The following FBXL7 variants were observed in gnomAD, a reference collection of about 807,000 sequenced individuals.
The protein encoded by FBXL7 is F-box and leucine rich repeat protein 7.
A neutral mutation model predicts 38.3 loss-of-function variants in FBXL7; 12 were observed. The ratio of observed to expected loss-of-function variants is 0.31; its 90% CI spans 0.20 to 0.51. The LOEUF is 0.51. Among genes scored for constraint, FBXL7 ranks in the 20% least tolerant of loss-of-function variants. The probability of loss-of-function intolerance (pLI) is 0.98; values close to 1 mark genes in which losing one functional copy is unlikely to be tolerated. For missense variants in FBXL7, 567 were observed against 676.4 expected, an observed-to-expected ratio of 0.84 and a Z score of 1.79; for synonymous variants, 297 against 300.9, an observed-to-expected ratio of 0.99 and a Z score of 0.13.
intron 1 of FBXL7, among the ~76,000 whole-genome samples, chr5:15,603,829 T>C (rs955288497): frequency 6.6e-6 from 1 of 152,204 alleles, no homozygotes; most frequent in African/African-American, 2.4e-5. Context: ...TTCTGCTACC[T>C]TCTCTGGGTT....
chr5:15,584,055 G>T (rs936492741), intron 1 of FBXL7, among the ~76,000 whole-genome samples: 2 of 152,308 alleles, frequency 1.3e-5, no homozygotes, highest in East Asian at 3.9e-4. Context: ...TGAAGCAGTG[G>T]CTCGAGCTGT....
At position 15,844,468 on chromosome 5, in the gene FBXL7, GCTT is replaced by G. The variant is rs368221396; in HGVS notation, c.128-83418_128-83416del. On this transcript the variant is annotated intron_variant, in intron 2 of 3. Transcript: ENST00000504595. The stretch of plus-strand genomic sequence containing the variant: ...TTGGCACTGCTGGACAGTTCCCCAG[GCTT>G]CTTTCCAATTCTTCCTGTGGAGCAG... 1.9e-3 allele frequency among the ~76,000 whole-genome samples: 283 copies of G among 152,342 alleles called. 2 individuals are homozygous for G. Among genetic ancestry groups the G allele is most frequent in the African/African-American group, 6.2e-3 (257 of 41,574 alleles).
At chr5:15,765,978 C>T (rs1736577171) in intron 2 of FBXL7, among the ~76,000 whole-genome samples, 1 of 152,162 alleles carries the variant, frequency 6.6e-6, no homozygotes, top group African/African-American at 2.4e-5. Flanking sequence ...TTCCCATAGT[C>T]TGTGGGACCT....
At chr5:15,568,174 T>C (rs1352526093) in intron 1 of FBXL7, among the ~76,000 whole-genome samples, 1 of 152,038 alleles carries the variant, frequency 6.6e-6, no homozygotes, top group Non-Finnish European at 1.5e-5. Context: ...ATCGCCACAC[T>C]GACTTCCACA....
chr5:15,506,003 C>T (rs1003890188), intron 1 of FBXL7, among the ~76,000 whole-genome samples: 1 of 152,128 alleles, frequency 6.6e-6, no homozygotes, highest in Admixed American at 6.5e-5. Context: ...CTAACTTTTA[C>T]AGTTTGAGGT....
intron 2 of FBXL7, among the ~76,000 whole-genome samples, chr5:15,793,954 A>G (rs1737348862): frequency 6.6e-6 from 1 of 152,200 alleles, no homozygotes; most frequent in South Asian, 2.1e-4. Context: ...TGCCCACACT[A>G]TGCACACACT....
At chr5:15,808,503 G>A (rs922791807) in intron 2 of FBXL7, among the ~76,000 whole-genome samples, 2 of 152,138 alleles carry the variant, frequency 1.3e-5, no homozygotes, top group Non-Finnish European at 2.9e-5. Flanking sequence ...GGGCATGACT[G>A]TGTATTTCCC....
intron 1 of FBXL7, among the ~76,000 whole-genome samples, chr5:15,566,893 A>C (rs1738591199): frequency 6.6e-6 from 1 of 152,140 alleles, no homozygotes; most frequent in Non-Finnish European, 1.5e-5. Context: ...ACCTGTAGAA[A>C]GATTGTCAGT....
chr5:15,612,808 A>G (rs1212335943), intron 1 of FBXL7, among the ~76,000 whole-genome samples: 3 of 152,206 alleles, frequency 2.0e-5, no homozygotes, highest in Non-Finnish European at 2.9e-5. Context: ...ATGCAGGTTG[A>G]GTCCTCACGC....
chr5:15,658,395 G>T (rs1741948299), intron 2 of FBXL7, among the ~76,000 whole-genome samples: 1 of 152,142 alleles, frequency 6.6e-6, no homozygotes. Flanking sequence ...CTTTTCGTGG[G>T]AGGGACCAGG....
At chr5:15,888,857 G>A (rs143074426) in intron 2 of FBXL7, among the ~76,000 whole-genome samples, 1 of 152,026 alleles carries the variant, frequency 6.6e-6, no homozygotes, top group Non-Finnish European at 1.5e-5. Flanking sequence ...CTTGAATAGT[G>A]ATATATTTAA....
chr5:15,827,539 C>T (rs1738348356), intron 2 of FBXL7, among the ~76,000 whole-genome samples: 1 of 151,998 alleles, frequency 6.6e-6, no homozygotes, highest in Non-Finnish European at 1.5e-5. Context: ...ATCAAGATAC[C>T]AGTATCTGGT....
intron 2 of FBXL7, among the ~76,000 whole-genome samples, chr5:15,678,543 C>T (rs142880852): frequency 7.2e-5 from 11 of 152,246 alleles, no homozygotes; most frequent in East Asian, 3.9e-4. Flanking sequence ...TTTCTTTGAT[C>T]GCATGATCTT....
intron 1 of FBXL7, among the ~76,000 whole-genome samples, chr5:15,609,371 G>T (rs1003504590): frequency 1.3e-5 from 2 of 152,184 alleles, no homozygotes; most frequent in African/African-American, 4.8e-5. Context: ...TTTGAAGTGG[G>T]AATGCCAAAG....
chr5:15,537,880 A>G (rs531428899), intron 1 of FBXL7, among the ~76,000 whole-genome samples: 1 of 152,314 alleles, frequency 6.6e-6, no homozygotes, highest in East Asian at 1.9e-4. Context: ...GTATCATTGG[A>G]TCTTTGGGTC....
At chr5:15,929,654 G>T (rs1401783838) in intron 3 of FBXL7, among the ~76,000 whole-genome samples, 1 of 149,300 alleles carries the variant, frequency 6.7e-6, no homozygotes, top group Non-Finnish European at 1.5e-5. Flanking sequence ...AAGAAAAATC[G>T]AAGGAAATCC....
At position 15,750,585 on chromosome 5, in the gene FBXL7, G is replaced by A. The variant is rs935347328; in HGVS notation, c.127+134513G>A. Among the ~76,000 whole-genome samples, 11 of 152,164 alleles carry A rather than the reference G, an allele frequency of 7.2e-5. No homozygotes were observed. The East Asian group carries it at 1.5e-3, about 21-fold the overall frequency. On this transcript the variant is annotated intron_variant, in intron 2 of 3. Coordinates refer to ENST00000504595, the MANE Select transcript of FBXL7 (RefSeq NM_012304.5). ...TAAAAGCTCCATTCTGAATTTATGA[G>A]CTGTTTCCTGCTTCTTTTTGTTTTA... is the stretch of plus-strand genomic sequence containing the variant.
chr5:15,692,088 G>C (rs1420997599), intron 2 of FBXL7, among the ~76,000 whole-genome samples: 1 of 152,176 alleles, frequency 6.6e-6, no homozygotes, highest in Admixed American at 6.5e-5. Flanking sequence ...CCAGAGAATG[G>C]AAGTGAGAGC....
At chr5:15,749,414 C>T (rs989599529) in intron 2 of FBXL7, among the ~76,000 whole-genome samples, 5 of 152,010 alleles carry the variant, frequency 3.3e-5, no homozygotes, top group African/African-American at 4.8e-5. Flanking sequence ...ATCACGAGGT[C>T]AGGAGATCGA....
Sources: gnomAD v4.1 joint callset for allele counts (sites outside exome capture counted in the v4.1 genomes callset) on GRCh38, gnomAD v4.1.1 for gene constraint, MANE v1.5 for transcripts, NCBI Gene and HGNC (gene_info 2026-07-23, HGNC 2026-07-21) for gene names.